Variants in EYS observed in about 807,000 individuals in gnomAD.
The protein encoded by EYS is protein eyes shut homolog.
A neutral mutation model predicts 282.1 loss-of-function variants in EYS; 250 were observed. The observed-to-expected ratio is 0.89, with a 90% CI of 0.80 to 0.98. EYS has a LOEUF of 0.98. Ranked by LOEUF, EYS falls within the 50% of genes least tolerant of loss-of-function variation. EYS has a pLI of 0.00. For missense variants in EYS, 4,016 were observed against 3,709.0 expected, an observed-to-expected ratio of 1.08 and a Z score of -2.15; for synonymous variants, 1,355 against 1,282.9, an observed-to-expected ratio of 1.06 and a Z score of -1.20.
At chr6:65,660,364 TAATTTA>T (rs983129028) in intron 1 of EYS, among the ~76,000 whole-genome samples, 2 of 151,888 alleles carry the variant, frequency 1.3e-5, no homozygotes, top group African/African-American at 4.8e-5. Flanking sequence ...TGTATTTATT[TAATTTA>T]TAAACCTTCA....
At chr6:64,438,179 T>C (rs1033179203) in intron 27 of EYS, among the ~76,000 whole-genome samples, 6 of 151,744 alleles carry the variant, frequency 4.0e-5, no homozygotes, top group Non-Finnish European at 5.9e-5. Flanking sequence ...AAGGTTCTTA[T>C]AACACTTACC....
At chr6:65,348,303 C>T (rs533954630) in intron 9 of EYS, among the ~76,000 whole-genome samples, 2 of 151,640 alleles carry the variant, frequency 1.3e-5, no homozygotes, top group African/African-American at 2.4e-5. Context: ...TTTTTAGGAA[C>T]CTCCAAACTG....
At chr6:63,969,368 G>A (rs766096269) in intron 35 of EYS, among the ~76,000 whole-genome samples, 4 of 151,956 alleles carry the variant, frequency 2.6e-5, no homozygotes, top group East Asian at 1.9e-4. Context: ...TTCCTAACCC[G>A]GCTTTTATGA....
chr6:64,509,786 A>G (rs1237294105), intron 26 of EYS, among the ~76,000 whole-genome samples: 1 of 152,144 alleles, frequency 6.6e-6, no homozygotes, highest in African/African-American at 2.4e-5. Context: ...TGATATTTTC[A>G]ATAGCGTGCA....
intron 26 of EYS, among the ~76,000 whole-genome samples, chr6:64,544,542 C>CA (rs1244286956): frequency 6.6e-6 from 1 of 151,984 alleles, no homozygotes; most frequent in Non-Finnish European, 1.5e-5. Flanking sequence ...GACATGTAGT[C>CA]ACTTTAAGAA....
chr6:65,479,434 A>T lies in EYS; in HGVS notation c.862+11160T>A, dbSNP rs979138633. Among the ~76,000 whole-genome samples the T allele has an allele frequency of 7.2e-5, 11 of 152,230 alleles. No homozygotes were observed. The East Asian group carries it at 2.1e-3, about 29-fold the overall frequency. ...GAAGATTTGTTTTATAGAACCTCAA[A>T]TTTGATATAAATATACACTAACCAA... is the stretch of plus-strand genomic sequence containing the variant. On this transcript the variant is annotated intron_variant, in intron 5 of 42. Coordinates refer to ENST00000503581, the MANE Select transcript of EYS (RefSeq NM_001142800.2).
At chr6:65,261,607 G>T (rs181031887) in intron 12 of EYS, among the ~76,000 whole-genome samples, 1 of 152,088 alleles carries the variant, frequency 6.6e-6, no homozygotes, top group Non-Finnish European at 1.5e-5. Context: ...ACTATGTATA[G>T]ATAAAAAATA....
chr6:64,370,799 C>A (rs1463792447), intron 29 of EYS, among the ~76,000 whole-genome samples: 1 of 151,628 alleles, frequency 6.6e-6, no homozygotes, highest in Admixed American at 6.6e-5. Flanking sequence ...TTGTCTAGCT[C>A]GCATGCATAG....
intron 35 of EYS, among the ~76,000 whole-genome samples, chr6:63,937,797 T>C (rs954559153): frequency 1.3e-5 from 2 of 152,148 alleles, no homozygotes; most frequent in African/African-American, 2.4e-5. Flanking sequence ...ATGAGAACTA[T>C]GCTGGATATT....
At chr6:64,247,937 G>T (rs1445277108) in intron 30 of EYS, among the ~76,000 whole-genome samples, 1 of 152,100 alleles carries the variant, frequency 6.6e-6, no homozygotes, top group African/African-American at 2.4e-5. Flanking sequence ...AGGGCCTGCT[G>T]ATGACAGGTT....
chr6:63,735,298 T>C (rs992029248), intron 41 of EYS, among the ~76,000 whole-genome samples: 1 of 152,026 alleles, frequency 6.6e-6, no homozygotes, highest in African/African-American at 2.4e-5. Context: ...TTATAAGAGG[T>C]GTGTAATAAT....
chr6:64,321,838 T>C (rs1231787227), intron 29 of EYS, among the ~76,000 whole-genome samples: 1 of 151,916 alleles, frequency 6.6e-6, no homozygotes, highest in African/African-American at 2.4e-5. Flanking sequence ...ATAAATATCT[T>C]AAATGTGGGA....
At chr6:64,251,188 T>C (rs1767202545) in intron 30 of EYS, among the ~76,000 whole-genome samples, 1 of 152,224 alleles carries the variant, frequency 6.6e-6, no homozygotes, top group African/African-American at 2.4e-5. Context: ...ACCATTACTT[T>C]TTATGCAGTC....
At chr6:65,633,910 A>G (rs564670189) in intron 2 of EYS, among the ~76,000 whole-genome samples, 5 of 152,344 alleles carry the variant, frequency 3.3e-5, no homozygotes, top group Non-Finnish European at 7.3e-5. Flanking sequence ...CATGGTCCCA[A>G]AGTCTTCAGT....
chr6:64,680,574 C>A (rs1429937067), intron 22 of EYS, among the ~76,000 whole-genome samples: 2 of 152,170 alleles, frequency 1.3e-5, no homozygotes, highest in Non-Finnish European at 2.9e-5. Flanking sequence ...AGGCCACCAG[C>A]ATTTATCTGC....
At chr6:64,764,407 C>G (rs944953607) in intron 22 of EYS, among the ~76,000 whole-genome samples, 1 of 152,216 alleles carries the variant, frequency 6.6e-6, no homozygotes, top group Non-Finnish European at 1.5e-5. Context: ...TATGTTGGCC[C>G]TTTTTAGCTG....
chr6:64,983,296 T>C (rs150248883), intron 14 of EYS, among the ~76,000 whole-genome samples: 13 of 151,302 alleles, frequency 8.6e-5, no homozygotes, highest in Admixed American at 2.0e-4. Context: ...CTCAGTAGAG[T>C]GCACTTCTTA....
At chr6:64,340,630 C>T (rs1020493009) in intron 29 of EYS, among the ~76,000 whole-genome samples, 6 of 151,510 alleles carry the variant, frequency 4.0e-5, no homozygotes, top group East Asian at 1.9e-4. Context: ...AGAAGAAAAC[C>T]GTAAATATCC....
At chr6:65,607,532 A>G (rs1002348337) in intron 2 of EYS, among the ~76,000 whole-genome samples, 1 of 151,918 alleles carries the variant, frequency 6.6e-6, no homozygotes, top group Non-Finnish European at 1.5e-5. Context: ...GAGTCGCCCT[A>G]TGATATTACT....
Sources: gnomAD v4.1 joint callset for allele counts (sites outside exome capture counted in the v4.1 genomes callset) on GRCh38, gnomAD v4.1.1 for gene constraint, MANE v1.5 for transcripts, NCBI Gene and HGNC (gene_info 2026-07-23, HGNC 2026-07-21) for gene names.